The following PDE7B variants were observed in gnomAD, a reference collection of about 807,000 sequenced individuals.
PDE7B encodes phosphodiesterase 7B, also known as 3',5'-cyclic-AMP phosphodiesterase 7B.
PDE7B carries 29 observed loss-of-function variants against 56.2 expected under a neutral mutation model. The ratio of observed to expected loss-of-function variants is 0.52; its 90% CI spans 0.38 to 0.70. The LOEUF is 0.70. Among genes scored for constraint, PDE7B ranks in the 30% least tolerant of loss-of-function variants. The probability of loss-of-function intolerance (pLI) is 0.00; values close to 1 mark genes in which losing one functional copy is unlikely to be tolerated. For synonymous variants in PDE7B, 197 were observed against 196.9 expected, an observed-to-expected ratio of 1.00 and a Z score of 0.00; for missense variants, 490 against 565.0, an observed-to-expected ratio of 0.87 and a Z score of 1.35.
At chr6:135,902,879 C>A (rs1178431967) in intron 1 of PDE7B, among the ~76,000 whole-genome samples, 1 of 152,078 alleles carries the variant, frequency 6.6e-6, no homozygotes, top group Non-Finnish European at 1.5e-5. Context: ...ATCACAGCAA[C>A]CCTGGAAAGT....
In PDE7B at chr6:136,190,979, C is replaced by T. The variant is rs184466336; in HGVS notation, c.1127-635C>T. Reference sequence around the variant, plus strand: ...CTGGTGTCATTTGCCCTCTCCATCCCTTCTCCGCCTGCCTTCTTTAGCTCC... The same window carrying T: ...CTGGTGTCATTTGCCCTCTCCATCCTTTCTCCGCCTGCCTTCTTTAGCTCC... On this transcript the variant is annotated intron_variant, in intron 12 of 12. Transcript: ENST00000308191. Among the ~76,000 whole-genome samples the T allele has an allele frequency of 5.6e-3, 823 of 146,432 alleles. 8 individuals carry two copies. Among genetic ancestry groups the T allele is most frequent in the African/African-American group, 0.021 (779 of 37,388 alleles).
At chr6:136,058,991 T>A (rs995722818) in intron 2 of PDE7B, among the ~76,000 whole-genome samples, 1 of 152,124 alleles carries the variant, frequency 6.6e-6, no homozygotes, top group Admixed American at 6.5e-5. Context: ...ATACACATAA[T>A]CCATGATTAT....
At chr6:135,957,444 T>C (rs1258199765) in intron 2 of PDE7B, among the ~76,000 whole-genome samples, 2 of 152,142 alleles carry the variant, frequency 1.3e-5, no homozygotes, top group Non-Finnish European at 2.9e-5. Context: ...TTAACACTCA[T>C]TTCAAAAGAG....
Position 135,859,139 on chromosome 6 carries a change from T to A in PDE7B, c.21+7120T>A, listed in dbSNP as rs1408533342. Among the ~76,000 whole-genome samples, 3 of 151,954 alleles carry A rather than the reference T, an allele frequency of 2.0e-5. No individual in the cohort carries two copies. In the East Asian group the frequency reaches 5.8e-4, roughly 29 times the overall value. ...GGTCCAGTTAGATGAAAGAACTCAG[T>A]CATTCACAAAAGTGTAGAAAGCATT... On this transcript the variant is annotated intron_variant, in intron 1 of 12. Coordinates refer to ENST00000308191, the MANE Select transcript of PDE7B (RefSeq NM_018945.4).
intron 1 of PDE7B, among the ~76,000 whole-genome samples, chr6:135,927,637 T>C (rs1366633145): frequency 6.6e-6 from 1 of 152,130 alleles, no homozygotes; most frequent in Non-Finnish European, 1.5e-5. Flanking sequence ...AATTTTATTC[T>C]TTTTGTGGCT....
At chr6:136,063,889 A>T (rs1776887816) in intron 2 of PDE7B, among the ~76,000 whole-genome samples, 1 of 152,198 alleles carries the variant, frequency 6.6e-6, no homozygotes. Context: ...CTTATGCTAT[A>T]GTTATTTTTC....
chr6:136,070,973 A>G (rs1198838949), intron 2 of PDE7B, among the ~76,000 whole-genome samples: 1 of 152,070 alleles, frequency 6.6e-6, no homozygotes, highest in African/African-American at 2.4e-5. Flanking sequence ...CAACACTTCC[A>G]AACAGAGCCA....
chr6:136,058,794 G>A (rs1222129753), intron 2 of PDE7B, among the ~76,000 whole-genome samples: 3 of 152,114 alleles, frequency 2.0e-5, no homozygotes, highest in Non-Finnish European at 4.4e-5. Context: ...AGTATACCAT[G>A]TCCATTTACT....
chr6:135,909,279 T>C (rs1358874295), intron 1 of PDE7B, among the ~76,000 whole-genome samples: 5 of 152,274 alleles, frequency 3.3e-5, no homozygotes, highest in Non-Finnish European at 7.3e-5. Flanking sequence ...CATATCTTCT[T>C]TCGTGCCCTG....
At chr6:136,146,916 T>C (rs1163989480) in intron 3 of PDE7B, among the ~76,000 whole-genome samples, 1 of 152,186 alleles carries the variant, frequency 6.6e-6, no homozygotes, top group Non-Finnish European at 1.5e-5. Flanking sequence ...CTCTCTCCTA[T>C]AATCCCAGCA....
intron 2 of PDE7B, among the ~76,000 whole-genome samples, chr6:135,971,319 T>C (rs1261579520): frequency 1.3e-5 from 2 of 152,142 alleles, no homozygotes; most frequent in African/African-American, 2.4e-5. Flanking sequence ...CCTACCAATA[T>C]CTTGATCTTA....
At chr6:135,985,138 T>C (rs1453718168) in intron 2 of PDE7B, among the ~76,000 whole-genome samples, 1 of 152,210 alleles carries the variant, frequency 6.6e-6, no homozygotes, top group African/African-American at 2.4e-5. Flanking sequence ...CATTTCTCTC[T>C]TTGTGACTAT....
intron 2 of PDE7B, among the ~76,000 whole-genome samples, chr6:136,029,020 G>A (rs1365276626): frequency 6.6e-6 from 1 of 152,128 alleles, no homozygotes; most frequent in Non-Finnish European, 1.5e-5. Flanking sequence ...TAGGTGAGTG[G>A]GAGCCTATTT....
At chr6:136,036,916 A>T (rs4527728) in intron 2 of PDE7B, among the ~76,000 whole-genome samples, 94,480 of 152,104 alleles carry the variant, frequency 0.62, 29,699 homozygotes, top group Non-Finnish European at 0.64. Flanking sequence ...CCAAATACAA[A>T]ACTACCCTAC....
intron 1 of PDE7B, among the ~76,000 whole-genome samples, chr6:135,922,945 C>A (rs1001285383): frequency 3.3e-5 from 5 of 152,136 alleles, no homozygotes; most frequent in Admixed American, 2.6e-4. Context: ...TGTGTTCTAT[C>A]TTTCTGATTT....
At chr6:135,923,139 G>A (rs368462293) in intron 1 of PDE7B, among the ~76,000 whole-genome samples, 1 of 152,164 alleles carries the variant, frequency 6.6e-6, no homozygotes, top group Non-Finnish European at 1.5e-5. Context: ...AGCTGAAGTA[G>A]CCAACACGAT....
chr6:136,032,964 T>A (rs913901832), intron 2 of PDE7B, among the ~76,000 whole-genome samples: 2 of 152,190 alleles, frequency 1.3e-5, no homozygotes. Context: ...AGATAAGTAG[T>A]CTTAGAGAGT....
At chr6:135,901,674 G>A (rs1204789183) in intron 1 of PDE7B, among the ~76,000 whole-genome samples, 1 of 152,194 alleles carries the variant, frequency 6.6e-6, no homozygotes, top group Non-Finnish European at 1.5e-5. Flanking sequence ...GCTGTATGCA[G>A]AAGCACTTTA....
chr6:136,184,316 AC>A (rs1302368346), intron 11 of PDE7B, among the ~76,000 whole-genome samples: 1 of 152,152 alleles, frequency 6.6e-6, no homozygotes, highest in Non-Finnish European at 1.5e-5. Context: ...TAATTGGAAA[AC>A]CTCTAATGAT....
Sources: allele counts gnomAD v4.1 joint callset (sites outside exome capture counted in the v4.1 genomes callset), GRCh38; gene constraint gnomAD v4.1.1; transcripts MANE v1.5; gene names NCBI Gene and HGNC (gene_info 2026-07-23, HGNC 2026-07-21).